COL25A1: variants seen among roughly 807,000 people sequenced by gnomAD.
COL25A1 encodes collagen alpha-1(XXV) chain.
In COL25A1, 103 loss-of-function variants were observed where a neutral mutation model predicts 128.4. The ratio of observed to expected loss-of-function variants is 0.80; its 90% CI spans 0.68 to 0.94. COL25A1 has a LOEUF of 0.94. COL25A1 is among the 40% of genes least tolerant of loss of function. COL25A1 has a pLI of 0.00. For synonymous variants in COL25A1, 279 were observed against 277.2 expected (o/e 1.01, Z -0.06); for missense variants, 745 against 840.0 (o/e 0.89, Z 1.40).
At chr4:109,098,508 G>T (rs1031042338) in intron 3 of COL25A1, among the ~76,000 whole-genome samples, 1 of 150,630 alleles carries the variant, frequency 6.6e-6, no homozygotes, top group Non-Finnish European at 1.5e-5. Flanking sequence ...TGTTGTAGAT[G>T]CAGTTTAAGT....
intron 20 of COL25A1, among the ~76,000 whole-genome samples, chr4:108,865,603 T>C (rs545536029): frequency 6.6e-6 from 1 of 152,312 alleles, no homozygotes; most frequent in African/African-American, 2.4e-5. Flanking sequence ...TATATAAAAA[T>C]TATTAAAAAA....
At position 108,817,483 on chromosome 4, in the gene COL25A1, T is replaced by C. The variant is rs370298443; in HGVS notation, c.1924-48A>G. 6.4e-6 allele frequency: 10 copies of C among 1,554,288 alleles called. No individual in the cohort carries two copies. The South Asian group carries it at 7.9e-5, about 12-fold the overall frequency. The stretch of plus-strand genomic sequence containing the variant: ...AATTCCTCAGGTTCCATAAGAGTGA[T>C]TAAACTTCATAATTCACATGCTCAG... On this transcript the variant is annotated intron_variant, in intron 36 of 37. Coordinates refer to ENST00000399132, the MANE Select transcript of COL25A1 (RefSeq NM_198721.4).
chr4:108,830,970 T>C (rs1733024056), intron 32 of COL25A1, among the ~76,000 whole-genome samples: 1 of 152,270 alleles, frequency 6.6e-6, no homozygotes, highest in African/African-American at 2.4e-5. Context: ...AATATGACAA[T>C]TGCACATTCA....
At chr4:108,819,438 G>T in intron 35 of COL25A1, 109 bp from the exon 36 acceptor site, 1 of 802,472 alleles carries the variant, frequency 1.2e-6, no homozygotes, top group Non-Finnish European at 2.0e-6. Context: ...GAGCAACTCT[G>T]AAGGGAAAAG....
intron 3 of COL25A1, among the ~76,000 whole-genome samples, chr4:109,067,723 T>A (rs1044395763): frequency 2.0e-5 from 3 of 152,226 alleles, no homozygotes; most frequent in Non-Finnish European, 2.9e-5. Flanking sequence ...GAGACTGCCT[T>A]TGGCTTATGC....
intron 3 of COL25A1, among the ~76,000 whole-genome samples, chr4:109,201,924 T>C (rs1776585540): frequency 6.6e-6 from 1 of 152,164 alleles, no homozygotes; most frequent in African/African-American, 2.4e-5. Context: ...TAATAAAATA[T>C]GTACAAAGTC....
chr4:109,158,065 CT>C (rs1391354956), intron 3 of COL25A1, among the ~76,000 whole-genome samples: 4 of 152,158 alleles, frequency 2.6e-5, no homozygotes, highest in African/African-American at 9.7e-5. Flanking sequence ...AATTGTGCCC[CT>C]ATAAGACCAC....
At chr4:109,008,936 C>T (rs1442470461) in intron 6 of COL25A1, among the ~76,000 whole-genome samples, 5 of 152,086 alleles carry the variant, frequency 3.3e-5, no homozygotes, top group Non-Finnish European at 5.9e-5. Context: ...GCCTGGCCAA[C>T]ATGGTGAAAC....
At chr4:109,174,802 TA>T (rs1773933696) in intron 3 of COL25A1, among the ~76,000 whole-genome samples, 1 of 152,228 alleles carries the variant, frequency 6.6e-6, no homozygotes, top group Non-Finnish European at 1.5e-5. Context: ...TCTTATAGAC[TA>T]GGGGTCCTCA....
Position 109,270,268 on chromosome 4 carries a change from G to A in COL25A1, c.367+30315C>T, listed in dbSNP as rs377429545. On this transcript the variant is annotated intron_variant, in intron 3 of 37. Coordinates refer to ENST00000399132, the MANE Select transcript of COL25A1 (RefSeq NM_198721.4). ...TAAAGGGTATTCAATTAGGAAAAGA[G>A]GAAGTCAAATTGTCCCTGTTTGCAG... Among the ~76,000 whole-genome samples the A allele has an allele frequency of 4.3e-3, 658 of 152,252 alleles. 6 individuals are homozygous for A. Among genetic ancestry groups the A allele is most frequent in the East Asian group, 0.033 (172 of 5,182 alleles).
intron 3 of COL25A1, among the ~76,000 whole-genome samples, chr4:109,200,169 C>T (rs576701887): frequency 7.2e-5 from 11 of 152,304 alleles, no homozygotes; most frequent in African/African-American, 2.2e-4. Flanking sequence ...CATCTTCCAT[C>T]GTCGAAGTCT....
chr4:108,968,425 T>C (rs751985905), intron 8 of COL25A1, among the ~76,000 whole-genome samples: 1 of 152,186 alleles, frequency 6.6e-6, no homozygotes, highest in African/African-American at 2.4e-5. Context: ...CAAAGGCTTT[T>C]GAAAGACCTC....
At chr4:109,007,598 TTAA>T (rs1756153367) in intron 6 of COL25A1, among the ~76,000 whole-genome samples, 1 of 152,140 alleles carries the variant, frequency 6.6e-6, no homozygotes, top group African/African-American at 2.4e-5. Flanking sequence ...GGAAGACATT[TTAA>T]ACTAAATGAT....
chr4:108,819,053 T>C (rs1216353256), intron 36 of COL25A1, among the ~76,000 whole-genome samples, 199 bp downstream of exon 36: 1 of 152,182 alleles, frequency 6.6e-6, no homozygotes. Flanking sequence ...CATCAGGAGA[T>C]TAATTTGCAT....
chr4:109,224,203 A>G (rs1312875547), intron 3 of COL25A1, among the ~76,000 whole-genome samples: 1 of 152,194 alleles, frequency 6.6e-6, no homozygotes, highest in Non-Finnish European at 1.5e-5. Context: ...TAAAAAGAAG[A>G]AGGAGGAGGA....
chr4:108,861,689 A>T (rs1217654961), intron 22 of COL25A1, among the ~76,000 whole-genome samples: 2 of 152,198 alleles, frequency 1.3e-5, no homozygotes, highest in Non-Finnish European at 2.9e-5. Flanking sequence ...AAGCCCTCAA[A>T]ATTCTTAGAA....
At chr4:109,011,651 CTT>C in intron 5 of COL25A1, among the ~76,000 whole-genome samples, 2 of 152,328 alleles carry the variant, frequency 1.3e-5, no homozygotes, top group South Asian at 4.1e-4. Context: ...AAGGTCACAA[CTT>C]ATATAAATTT....
intron 3 of COL25A1, among the ~76,000 whole-genome samples, chr4:109,242,535 T>C (rs567373236): frequency 3.9e-5 from 6 of 152,078 alleles, no homozygotes; most frequent in Non-Finnish European, 8.8e-5. Context: ...AAACTTATGG[T>C]ATAATCCCAG....
intron 14 of COL25A1, 94 bp from the exon 15 acceptor site, chr4:108,899,274 T>A (rs1742540714): frequency 7.9e-6 from 9 of 1,135,174 alleles, no homozygotes; most frequent in Non-Finnish European, 1.1e-5. Context: ...ACTTACTAGG[T>A]AAATTATGCA....
Sources: allele counts gnomAD v4.1 joint callset (sites outside exome capture counted in the v4.1 genomes callset), GRCh38; gene constraint gnomAD v4.1.1; transcripts MANE v1.5; gene names NCBI Gene and HGNC (gene_info 2026-07-23, HGNC 2026-07-21).